YIPF4: variants seen among roughly 807,000 people sequenced by gnomAD.
YIPF4 encodes Yip1 domain family member 4, also known as protein YIPF4.
Under a neutral mutation model 29.4 loss-of-function variants are expected in YIPF4, and 18 were observed. That is an observed-to-expected ratio of 0.61 (90% CI 0.42 to 0.91). The LOEUF is 0.91. Ranked by LOEUF, YIPF4 falls within the 40% of genes least tolerant of loss-of-function variation. The pLI is 0.00. For missense variants in YIPF4, 279 were observed against 282.7 expected (o/e 0.99, Z 0.09); for synonymous variants, 115 against 104.7 (o/e 1.10, Z -0.60).
At chr2:32,285,595 C>A (rs2030627725) in intron 1 of YIPF4, among the ~76,000 whole-genome samples, 1 of 151,690 alleles carries the variant, frequency 6.6e-6, no homozygotes, top group African/African-American at 2.4e-5. Flanking sequence ...TCCCCCTTCC[C>A]AGAAAGGATG....
Position 32,307,047 on chromosome 2 carries a change from G to T in YIPF4, c.*1421G>T. 5 of 1,120,992 alleles carry T rather than the reference G, an allele frequency of 4.5e-6. No individual in the cohort carries two copies. Among genetic ancestry groups the T allele is most frequent in the Non-Finnish European group, 5.9e-6 (5 of 852,444 alleles). 69.4% of individuals were successfully genotyped at this position (1,120,992 alleles called of 1,614,324 possible). ...TTTTAAGCTGCAGAAAAAGTGTGGA[G>T]CACTTTTGAGCTAGAATAATGTAGA... On this transcript the variant is annotated 3_prime_UTR_variant, in exon 6 of 6. Transcript: ENST00000238831.
At chr2:32,294,513 G>A (rs1390608935) in intron 3 of YIPF4, among the ~76,000 whole-genome samples, 2 of 151,912 alleles carry the variant, frequency 1.3e-5, no homozygotes, top group African/African-American at 2.4e-5. Context: ...TGGGATGGCG[G>A]CCGGGAAGAG....
chr2:32,293,981 T>C (rs1453321548), intron 3 of YIPF4, among the ~76,000 whole-genome samples: 125 of 116,086 alleles, frequency 1.1e-3, no homozygotes, highest in African/African-American at 2.4e-3. Context: ...GGCGGCTGGC[T>C]GGGCAGGGGG....
At chr2:32,294,601 G>A (rs1460374695) in intron 3 of YIPF4, among the ~76,000 whole-genome samples, 4 of 149,806 alleles carry the variant, frequency 2.7e-5, no homozygotes, top group African/African-American at 7.4e-5. Flanking sequence ...CCAGGCAGAG[G>A]GGCTCCTCAC....
chr2:32,313,599 C>T lies in YIPF4; in HGVS notation c.*7973C>T, dbSNP rs1043833016. The T allele has an allele frequency of 1.3e-5, 2 of 152,188 alleles. No homozygotes were observed. Among genetic ancestry groups the T allele is most frequent in the African/African-American group, 4.8e-5 (2 of 41,428 alleles). 9.4% of individuals were successfully genotyped at this position (152,188 alleles called of 1,614,324 possible). ...CAAGCGGGTCTTGAACTCCCAACCTCCGGTGATCTGCCCACCTCAACCTCC... is the reference window on the plus strand; with the variant it reads ...CAAGCGGGTCTTGAACTCCCAACCTTCGGTGATCTGCCCACCTCAACCTCC... On this transcript the variant is annotated 3_prime_UTR_variant, in exon 6 of 6. Coordinates refer to ENST00000238831, the MANE Select transcript of YIPF4 (RefSeq NM_032312.4).
intron 1 of YIPF4, among the ~76,000 whole-genome samples, chr2:32,286,134 T>C (rs947202182): frequency 2.4e-4 from 36 of 152,326 alleles, no homozygotes; most frequent in Non-Finnish European, 4.3e-4. Flanking sequence ...TACACAAATC[T>C]ACAAATGTGA....
chr2:32,296,280 T>C (rs921504104), intron 3 of YIPF4, among the ~76,000 whole-genome samples: 1 of 152,154 alleles, frequency 6.6e-6, no homozygotes, highest in African/African-American at 2.4e-5. Flanking sequence ...AAGACCAGCC[T>C]GGCCAACATG....
At chr2:32,292,943 C>G (rs542321733) in intron 3 of YIPF4, among the ~76,000 whole-genome samples, 1 of 151,082 alleles carries the variant, frequency 6.6e-6, no homozygotes, top group Non-Finnish European at 1.5e-5. Flanking sequence ...TTCCAGCTGA[C>G]CAGAAGTCAC....
intron 5 of YIPF4, among the ~76,000 whole-genome samples, chr2:32,304,671 A>G (rs1030156440): frequency 2.0e-5 from 3 of 152,182 alleles, no homozygotes; most frequent in Non-Finnish European, 2.9e-5. Flanking sequence ...GCCAAGAAGT[A>G]CGCAGCCTAA....
At position 32,309,534 on chromosome 2, in the gene YIPF4, TTGTGA is replaced by T. The variant is rs1477728287; in HGVS notation, c.*3912_*3916del. On this transcript the variant is annotated 3_prime_UTR_variant, in exon 6 of 6. Coordinates refer to ENST00000238831, the MANE Select transcript of YIPF4 (RefSeq NM_032312.4). ...TTTAAAATTTAGTCATTTAAAAATT[TTGTGA>T]TGTAACAAAATGTTGAATGAAATAA... The T allele has an allele frequency of 6.6e-6, 1 of 152,202 alleles. No individual in the cohort carries two copies. Among genetic ancestry groups the T allele is most frequent in the African/African-American group, 2.4e-5 (1 of 41,454 alleles). 9.4% of individuals were successfully genotyped at this position (152,202 alleles called of 1,614,324 possible).
chr2:32,294,579 C>T (rs1474041683), intron 3 of YIPF4, among the ~76,000 whole-genome samples: 5 of 150,458 alleles, frequency 3.3e-5, no homozygotes, highest in Non-Finnish European at 5.9e-5. Context: ...CCTCACTTTC[C>T]AGACTGGGCA....
chr2:32,282,628 T>G (rs1189614972), intron 1 of YIPF4, among the ~76,000 whole-genome samples: 1 of 151,376 alleles, frequency 6.6e-6, no homozygotes. Flanking sequence ...GACACGGGGT[T>G]TCACCACATT....
At position 32,278,063 on chromosome 2, in the gene YIPF4, T is replaced by C. The variant is rs2030176813; in HGVS notation, c.-93T>C. ...ACGTCGAGACTCGTAGGCCGCACCGTAGGGCGAGCGTGCGGGTCGCCGCCG... is the reference window on the plus strand; with the variant it reads ...ACGTCGAGACTCGTAGGCCGCACCGCAGGGCGAGCGTGCGGGTCGCCGCCG... On this transcript the variant is annotated 5_prime_UTR_variant, in exon 1 of 6. Coordinates refer to ENST00000238831, the MANE Select transcript of YIPF4 (RefSeq NM_032312.4). 1 of 1,134,016 alleles carries C rather than the reference T, an allele frequency of 8.8e-7. No homozygotes were observed. The highest frequency in any genetic ancestry group is 2.6e-5 in the Admixed American group (1 of 38,016). 70.2% of individuals were successfully genotyped at this position (1,134,016 alleles called of 1,614,324 possible).
intron 3 of YIPF4, among the ~76,000 whole-genome samples, chr2:32,296,106 A>G (rs911692054): frequency 6.6e-6 from 1 of 152,192 alleles, no homozygotes; most frequent in African/African-American, 2.4e-5. Context: ...CTGGTCTCCT[A>G]CCTACCACTG....
intron 2 of YIPF4, 58 bp from the exon 3 acceptor site, chr2:32,292,119 A>T: frequency 8.5e-7 from 1 of 1,172,292 alleles, no homozygotes; most frequent in Non-Finnish European, 1.1e-6. Context: ...TTTTTTTTGG[A>T]ATTGTTTTAG....
At chr2:32,302,251 G>A (rs2031431663) in intron 5 of YIPF4, among the ~76,000 whole-genome samples, 2 of 150,826 alleles carry the variant, frequency 1.3e-5, no homozygotes, top group East Asian at 3.9e-4. Context: ...GGCTGGTCTC[G>A]AACTCCTGAC....
intron 1 of YIPF4, among the ~76,000 whole-genome samples, chr2:32,280,906 GT>G (rs1288410981): frequency 6.6e-6 from 1 of 152,162 alleles, no homozygotes; most frequent in Non-Finnish European, 1.5e-5. Flanking sequence ...TAAAAAAATT[GT>G]TTAAGTGTCA....
intron 4 of YIPF4, among the ~76,000 whole-genome samples, chr2:32,299,329 CATTTTT>C: frequency 6.6e-6 from 1 of 152,268 alleles, no homozygotes; most frequent in Middle Eastern, 3.4e-3. Context: ...CATTATTTTA[CATTTTT>C]GTAAGTAGCT....
In YIPF4 at chr2:32,309,060, A is replaced by G. The variant is rs919235453; in HGVS notation, c.*3434A>G. ...AAAAAAAAAAAAAAAATCAAAATCT[A>G]TATAATTAAGCATTGTTTTTTAAAA... On this transcript the variant is annotated 3_prime_UTR_variant, in exon 6 of 6. Transcript: ENST00000238831. 1 of 151,786 alleles carries G rather than the reference A, an allele frequency of 6.6e-6. No homozygotes were observed. The highest frequency in any genetic ancestry group is 2.4e-5 in the African/African-American group (1 of 41,350). 9.4% of individuals were successfully genotyped at this position (151,786 alleles called of 1,614,324 possible). A position where few individuals can be genotyped will look rare whatever the true frequency, so the allele number is the denominator to read the frequency against.
Sources: allele counts gnomAD v4.1 joint callset (sites outside exome capture counted in the v4.1 genomes callset), GRCh38; gene constraint gnomAD v4.1.1; transcripts MANE v1.5; gene names NCBI Gene and HGNC (gene_info 2026-07-23, HGNC 2026-07-21).